ARSB: variants seen among roughly 807,000 people sequenced by gnomAD.
ARSB encodes the protein N-acetylgalactosamine-4-sulfatase.
Under a neutral mutation model 50.9 loss-of-function variants are expected in ARSB, and 41 were observed. The observed-to-expected ratio is 0.81, with a 90% CI of 0.63 to 1.04. ARSB has a LOEUF of 1.04. Among genes scored for constraint, ARSB ranks in the 50% least tolerant of loss-of-function variants. ARSB has a pLI of 0.00. For missense variants in ARSB, 672 were observed against 693.3 expected (o/e 0.97, Z 0.35); for synonymous variants, 269 against 284.8 (o/e 0.94, Z 0.56).
intron 4 of ARSB, among the ~76,000 whole-genome samples, chr5:78,953,832 T>A (rs1561523766): frequency 6.6e-6 from 1 of 151,974 alleles, no homozygotes; most frequent in Admixed American, 6.6e-5. Flanking sequence ...GTTGGCAATA[T>A]CAGCAAACTT....
intron 4 of ARSB, among the ~76,000 whole-genome samples, chr5:78,945,325 G>A (rs1421499721): frequency 6.6e-6 from 1 of 152,176 alleles, no homozygotes; most frequent in Non-Finnish European, 1.5e-5. Flanking sequence ...GATGAACCCA[G>A]TACCTCAGTT....
At chr5:78,874,618 G>A (rs970961738) in intron 5 of ARSB, among the ~76,000 whole-genome samples, 70 of 151,886 alleles carry the variant, frequency 4.6e-4, no homozygotes, top group African/African-American at 1.6e-3. Context: ...AAAAGTAAAT[G>A]TAACAAAACA....
chr5:78,968,055 G>A (rs1752278301), intron 2 of ARSB, among the ~76,000 whole-genome samples: 1 of 151,946 alleles, frequency 6.6e-6, no homozygotes, highest in African/African-American at 2.4e-5. Context: ...GTTTCATAGG[G>A]CTATCAAGTT....
intron 2 of ARSB, among the ~76,000 whole-genome samples, 158 bp from the exon 3 acceptor site, chr5:78,964,764 G>A (rs1464353991): frequency 6.6e-6 from 1 of 152,146 alleles, no homozygotes; most frequent in East Asian, 1.9e-4. Flanking sequence ...TCTATATCTG[G>A]TGGCAGAAGG....
intron 6 of ARSB, among the ~76,000 whole-genome samples, chr5:78,808,273 T>C (rs1429390859): frequency 6.7e-6 from 1 of 149,334 alleles, no homozygotes; most frequent in Non-Finnish European, 1.5e-5. Flanking sequence ...ATTCCAACCA[T>C]CATATTTCAT....
chr5:78,841,975 G>A (rs940343940), intron 5 of ARSB, among the ~76,000 whole-genome samples: 2 of 152,154 alleles, frequency 1.3e-5, no homozygotes, highest in African/African-American at 4.8e-5. Context: ...TATATGACAA[G>A]TGATTGAAAC....
intron 4 of ARSB, among the ~76,000 whole-genome samples, chr5:78,954,594 T>C (rs1330491239): frequency 6.6e-6 from 1 of 152,202 alleles, no homozygotes; most frequent in Non-Finnish European, 1.5e-5. Context: ...AACCTCTGCC[T>C]CCTGGATTCA....
intron 6 of ARSB, among the ~76,000 whole-genome samples, chr5:78,794,549 A>G (rs1436752815): frequency 1.3e-5 from 2 of 152,192 alleles, no homozygotes; most frequent in African/African-American, 4.8e-5. Flanking sequence ...AGGCAAAAAG[A>G]AAACAGAAAA....
intron 4 of ARSB, among the ~76,000 whole-genome samples, chr5:78,940,384 A>G (rs1344355336): frequency 6.6e-6 from 1 of 152,126 alleles, no homozygotes; most frequent in Non-Finnish European, 1.5e-5. Context: ...GGTATTGCCT[A>G]CGTTTTTTTC....
chr5:78,851,633 T>C (rs1035010088), intron 5 of ARSB, among the ~76,000 whole-genome samples: 2 of 152,220 alleles, frequency 1.3e-5, no homozygotes, highest in East Asian at 1.9e-4. Context: ...TTCTGTCTCA[T>C]TGATCTGTTT....
intron 5 of ARSB, among the ~76,000 whole-genome samples, chr5:78,880,061 C>T (rs966646574): frequency 1.3e-5 from 2 of 151,956 alleles, no homozygotes; most frequent in African/African-American, 4.8e-5. Flanking sequence ...GTTAAAGCCC[C>T]GCAGTCACCA....
intron 6 of ARSB, chr5:78,817,127 T>G (rs1744022031): frequency 1.0e-6 from 1 of 985,198 alleles, no homozygotes; most frequent in Admixed American, 6.1e-5. Context: ...GTTCAATCAG[T>G]TCTCTACTGG....
chr5:78,872,509 C>T (rs1222206677), intron 5 of ARSB, among the ~76,000 whole-genome samples: 1 of 133,846 alleles, frequency 7.5e-6, no homozygotes, highest in East Asian at 2.1e-4. Flanking sequence ...AGTTCATGTC[C>T]TTTGTAGGGA....
chr5:78,836,545 G>GAGAA (rs1165097043), intron 6 of ARSB, among the ~76,000 whole-genome samples: 4 of 152,208 alleles, frequency 2.6e-5, no homozygotes, highest in Non-Finnish European at 4.4e-5. Flanking sequence ...CTGAGTCCAA[G>GAGAA]AGAAGTAAAT....
chr5:78,972,515 G>GTACACACACACA (rs910347024), intron 1 of ARSB, among the ~76,000 whole-genome samples: 1 of 39,518 alleles, frequency 2.5e-5, no homozygotes, highest in African/African-American at 1.9e-4. Context: ...GCACGCATAC[G>GTACACACACACA]TACACACACA....
chr5:78,840,450 AT>A (rs1745152374), intron 5 of ARSB, among the ~76,000 whole-genome samples: 1 of 152,204 alleles, frequency 6.6e-6, no homozygotes, highest in South Asian at 2.1e-4. Context: ...GCCCAATACA[AT>A]TTCAAAAAAT....
In ARSB at chr5:78,782,417, T is replaced by A. The variant is rs866759049; in HGVS notation, c.1214-443A>T. On this transcript the variant is annotated intron_variant, in intron 6 of 7. Transcript: ENST00000264914. ...TGCAGTCATTTCAAGCTATGAGAGT[T>A]CATGCATGCCATGATAGAGTACAAA... 7.4e-4 allele frequency among the ~76,000 whole-genome samples: 112 copies of A among 152,220 alleles called. 1 individual carries two copies. The highest frequency in any genetic ancestry group is 7.9e-4 in the Admixed American group (12 of 15,276).
chr5:78,796,929 G>C lies in ARSB; in HGVS notation c.1214-14955C>G, dbSNP rs554815390. ...GTCTCGCTCTGTCGCCCAGGCTGGA[G>C]TGCAGTGGCGGGATCTCGGCTCACT... On this transcript the variant is annotated intron_variant, in intron 6 of 7. Coordinates refer to ENST00000264914, the MANE Select transcript of ARSB (RefSeq NM_000046.5). Among the ~76,000 whole-genome samples, 73 of 149,442 alleles carry C rather than the reference G, an allele frequency of 4.9e-4. 1 individual carries two copies. In the East Asian group the frequency reaches 9.0e-3, roughly 18 times the overall value.
intron 5 of ARSB, among the ~76,000 whole-genome samples, chr5:78,861,866 A>T (rs1379988562): frequency 6.6e-6 from 1 of 152,206 alleles, no homozygotes; most frequent in Non-Finnish European, 1.5e-5. Flanking sequence ...AGAAAACCCC[A>T]TCATCTCAGC....
Sources: allele counts gnomAD v4.1 joint callset (sites outside exome capture counted in the v4.1 genomes callset), GRCh38; gene constraint gnomAD v4.1.1; transcripts MANE v1.5; gene names NCBI Gene and HGNC (gene_info 2026-07-23, HGNC 2026-07-21).